DNM3: variants seen among roughly 807,000 people sequenced by gnomAD.
DNM3 encodes dynamin-3.
DNM3 carries 47 observed loss-of-function variants against 101.6 expected under a neutral mutation model. That is an observed-to-expected ratio of 0.46 (90% CI 0.37 to 0.59). The LOEUF is 0.59. Among genes scored for constraint, DNM3 ranks in the 20% least tolerant of loss-of-function variants. DNM3 has a pLI of 0.00. For synonymous variants in DNM3, 385 were observed against 387.9 expected, an observed-to-expected ratio of 0.99 and a Z score of 0.09; for missense variants, 849 against 1,085.7, an observed-to-expected ratio of 0.78 and a Z score of 3.06.
At position 172,411,906 on chromosome 1, in the gene DNM3, A is replaced by G. The variant is rs1573796563; in HGVS notation, c.*4065A>G. On this transcript the variant is annotated 3_prime_UTR_variant, in exon 21 of 21. Coordinates refer to ENST00000627582, the MANE Select transcript of DNM3 (RefSeq NM_015569.5). ...TCGTTCACCAGATCACTCATTGTAC[A>G]TTCTAAAAAGCTCAAATGAGTCTTC... 5.1e-6 allele frequency: 5 copies of G among 985,578 alleles called. No individual in the cohort carries two copies. The East Asian group carries it at 5.7e-4, about 112-fold the overall frequency. The allele number at this position is 985,578 out of a possible 1,614,324, so 61.1% of individuals were successfully genotyped here. A position where few individuals can be genotyped will look rare whatever the true frequency, so the allele number is the denominator to read the frequency against.
At chr1:172,360,384 C>T (rs1364691904) in intron 17 of DNM3, among the ~76,000 whole-genome samples, 1 of 152,010 alleles carries the variant, frequency 6.6e-6, no homozygotes, top group Non-Finnish European at 1.5e-5. Context: ...CCTCTTTGTG[C>T]TTTAATTCAA....
In DNM3 at chr1:172,038,376, C is replaced by G. The variant is rs2049119748; in HGVS notation, c.907C>G (p.Gln303Glu). The change falls in exon 7 of 21, where the codon CAG becomes GAG. Residue 303 changes from glutamine (Q) to glutamate (E), a missense_variant. This residue lies in a region of DNM3 where 388 missense variants were observed against 483.0 expected (regional missense o/e 0.80). Transcript: ENST00000627582. ...LPNFRNKLQGQLLSIEHEVEA... is the reference protein window; with the variant it reads ...LPNFRNKLQGELLSIEHEVEA... ...AAACTTCAGGAACAAACTACAGGGA[C>G]AGTTGCTCTCCATAGAACATGAAGT... The G allele has an allele frequency of 3.7e-6, 6 of 1,613,472 alleles. No individual in the cohort carries two copies. The highest frequency in any genetic ancestry group is 4.2e-6 in the Non-Finnish European group (5 of 1,179,598).
intron 2 of DNM3, among the ~76,000 whole-genome samples, chr1:171,927,616 T>A (rs1380287526): frequency 6.6e-6 from 1 of 152,222 alleles, no homozygotes; most frequent in Non-Finnish European, 1.5e-5. Context: ...TCTACCTAAA[T>A]GCCCACGAAT....
intron 2 of DNM3, among the ~76,000 whole-genome samples, chr1:171,953,152 C>T (rs1487541295): frequency 3.3e-5 from 5 of 152,176 alleles, no homozygotes; most frequent in Admixed American, 6.5e-5. Flanking sequence ...CATCTATGCC[C>T]TCACACTCAT....
At chr1:171,898,514 T>C in intron 1 of DNM3, among the ~76,000 whole-genome samples, 1 of 152,272 alleles carries the variant, frequency 6.6e-6, no homozygotes, top group East Asian at 1.9e-4. Flanking sequence ...TTTTTCTTCT[T>C]ATTAAAGAAA....
At chr1:172,333,480 C>T (rs1157137419) in intron 17 of DNM3, among the ~76,000 whole-genome samples, 1 of 152,064 alleles carries the variant, frequency 6.6e-6, no homozygotes, top group East Asian at 1.9e-4. Flanking sequence ...CAGAACAAAA[C>T]CCAAAATAAG....
At chr1:171,934,637 G>A (rs988859199) in intron 2 of DNM3, among the ~76,000 whole-genome samples, 2 of 152,196 alleles carry the variant, frequency 1.3e-5, no homozygotes, top group African/African-American at 4.8e-5. Context: ...AGAACTAGCA[G>A]CTGTGGTAAG....
At chr1:171,994,421 G>A (rs952396311) in intron 4 of DNM3, among the ~76,000 whole-genome samples, 2 of 151,974 alleles carry the variant, frequency 1.3e-5, no homozygotes, top group East Asian at 1.9e-4. Flanking sequence ...TCAGTAAATC[G>A]CTAAACATTT....
At chr1:172,001,067 A>G (rs1157070102) in intron 4 of DNM3, among the ~76,000 whole-genome samples, 2 of 152,036 alleles carry the variant, frequency 1.3e-5, no homozygotes, top group African/African-American at 4.8e-5. Context: ...TGAGGATGGG[A>G]TACAGGGCAC....
chr1:172,092,981 C>A, intron 13 of DNM3, 106 bp downstream of exon 13: 1 of 1,037,190 alleles, frequency 9.6e-7, no homozygotes, highest in Non-Finnish European at 1.4e-6. Context: ...GCAAATTTTG[C>A]TTGAAATGCA....
chr1:171,927,474 C>G (rs1436373435), intron 2 of DNM3, among the ~76,000 whole-genome samples: 1 of 152,100 alleles, frequency 6.6e-6, no homozygotes, highest in Admixed American at 6.5e-5. Flanking sequence ...ATTTAGCTCC[C>G]ACTTATAAGT....
intron 1 of DNM3, among the ~76,000 whole-genome samples, chr1:171,885,360 G>A (rs1293369233): frequency 6.6e-6 from 1 of 152,010 alleles, no homozygotes; most frequent in Non-Finnish European, 1.5e-5. Context: ...ACATACTTAT[G>A]TTGTACTTTT....
intron 2 of DNM3, among the ~76,000 whole-genome samples, chr1:171,965,324 C>T (rs930509670): frequency 1.3e-5 from 2 of 151,206 alleles, no homozygotes; most frequent in East Asian, 1.9e-4. Context: ...GGGTGGATTG[C>T]TTGAGGCCAA....
intron 15 of DNM3, among the ~76,000 whole-genome samples, chr1:172,266,214 G>A (rs1168142386): frequency 6.6e-6 from 1 of 152,010 alleles, no homozygotes; most frequent in Non-Finnish European, 1.5e-5. Flanking sequence ...ATACCTCTAT[G>A]GCTACATTTC....
intron 14 of DNM3, among the ~76,000 whole-genome samples, chr1:172,132,227 G>C (rs1173002295): frequency 1.3e-5 from 2 of 152,106 alleles, no homozygotes; most frequent in Non-Finnish European, 1.5e-5. Context: ...GCATTACCGG[G>C]TGCCTTTGTC....
At chr1:171,855,765 G>C (rs1056534879) in intron 1 of DNM3, among the ~76,000 whole-genome samples, 5 of 152,206 alleles carry the variant, frequency 3.3e-5, no homozygotes, top group African/African-American at 1.2e-4. Flanking sequence ...ACAGATGCTG[G>C]ATATTAGACC....
chr1:172,339,325 T>C (rs1333866958), intron 17 of DNM3, among the ~76,000 whole-genome samples: 1 of 152,370 alleles, frequency 6.6e-6, no homozygotes, highest in African/African-American at 2.4e-5. Context: ...TTTTTATTTC[T>C]GTTTATTTTC....
At chr1:172,033,360 C>A in intron 6 of DNM3, 95 bp downstream of exon 6, 2 of 1,302,600 alleles carry the variant, frequency 1.5e-6, no homozygotes, top group Non-Finnish European at 2.1e-6. Flanking sequence ...TTTTTTTTTC[C>A]AAAACAAGAC....
intron 20 of DNM3, among the ~76,000 whole-genome samples, chr1:172,391,442 G>A (rs2069524741): frequency 6.6e-6 from 1 of 152,092 alleles, no homozygotes; most frequent in Non-Finnish European, 1.5e-5. Flanking sequence ...CATAAAGTCT[G>A]TTTTTAATAA....
Sources: allele counts gnomAD v4.1 joint callset (sites outside exome capture counted in the v4.1 genomes callset), GRCh38; gene constraint gnomAD v4.1.1; regional missense constraint gnomAD v4.1.1; transcripts MANE v1.5; gene names NCBI Gene and HGNC (gene_info 2026-07-23, HGNC 2026-07-21).